TGFB2: variants seen among roughly 807,000 people sequenced by gnomAD.
TGFB2 encodes the protein transforming growth factor beta 2.
TGFB2 carries 13 observed loss-of-function variants against 42.7 expected under a neutral mutation model. That is an observed-to-expected ratio of 0.30 (90% CI 0.20 to 0.48). The LOEUF (loss-of-function observed/expected upper bound fraction) is 0.48. Ranked by LOEUF, TGFB2 falls within the 20% of genes least tolerant of loss-of-function variation. The pLI is 0.99. For missense variants in TGFB2, 390 were observed against 517.5 expected (o/e 0.75, Z 2.39); for synonymous variants, 193 against 193.6 (o/e 1.00, Z 0.03).
At chr1:218,384,293 G>T (rs369228849) in intron 1 of TGFB2, among the ~76,000 whole-genome samples, 1 of 152,128 alleles carries the variant, frequency 6.6e-6, no homozygotes, top group East Asian at 1.9e-4. Context: ...GAATAATTTG[G>T]AATATCGTGG....
chr1:218,410,507 C>T (rs1247558439), intron 2 of TGFB2, among the ~76,000 whole-genome samples: 3 of 152,134 alleles, frequency 2.0e-5, no homozygotes, highest in Admixed American at 6.5e-5. Flanking sequence ...ACCTCTTTCA[C>T]GTTAACAAAC....
In TGFB2 at chr1:218,444,618, A is replaced by G. The variant is rs1281870765; in HGVS notation, c.*3256A>G. The G allele has an allele frequency of 6.6e-6, 1 of 152,210 alleles. No homozygotes were observed. The highest frequency in any genetic ancestry group is 1.5e-5 in the Non-Finnish European group (1 of 68,030). The allele number at this position is 152,210 out of a possible 1,614,324, so 9.4% of individuals were successfully genotyped here. ...TTAATAAAAAAAGTAATTGTGACTC[A>G]ATCTGGTTGTCTTGCTTTGTCTAGT... On this transcript the variant is annotated 3_prime_UTR_variant, in exon 7 of 7. Transcript: ENST00000366930.
chr1:218,437,223 T>G (rs573897701), intron 5 of TGFB2, 120 bp from the exon 6 acceptor site: 6 of 1,001,636 alleles, frequency 6.0e-6, no homozygotes, highest in East Asian at 2.4e-5. Context: ...TATTTGCTCA[T>G]TAGATGTTTG....
intron 1 of TGFB2, chr1:218,363,262 A>C: frequency 7.8e-7 from 1 of 1,289,910 alleles, no homozygotes. Context: ...TCTACTTTGA[A>C]TCTTTGTATA....
chr1:218,392,322 C>T (rs1164028779), intron 1 of TGFB2, among the ~76,000 whole-genome samples: 1 of 152,194 alleles, frequency 6.6e-6, no homozygotes, highest in Non-Finnish European at 1.5e-5. Context: ...CACTGCACTC[C>T]AGCCTGGACG....
intron 2 of TGFB2, among the ~76,000 whole-genome samples, chr1:218,412,480 G>A (rs879768399): frequency 9.2e-5 from 14 of 152,200 alleles, no homozygotes; most frequent in Admixed American, 7.2e-4. Flanking sequence ...ATAGTATTAC[G>A]TCAGAACGAC....
intron 1 of TGFB2, among the ~76,000 whole-genome samples, chr1:218,383,764 AGATT>A (rs1239199091): frequency 1.3e-5 from 2 of 152,246 alleles, no homozygotes; most frequent in Non-Finnish European, 2.9e-5. Flanking sequence ...GATGGGTTAC[AGATT>A]GCAATAAAAT....
chr1:218,368,125 A>G (rs1052789575), intron 1 of TGFB2, among the ~76,000 whole-genome samples: 12 of 145,858 alleles, frequency 8.2e-5, no homozygotes, highest in Non-Finnish European at 1.7e-4. Context: ...CTTATGATAT[A>G]TTAGTTCATT....
chr1:218,348,164 G>C (rs2102529248), intron 1 of TGFB2, among the ~76,000 whole-genome samples: 1 of 152,212 alleles, frequency 6.6e-6, no homozygotes, highest in African/African-American at 2.4e-5. Context: ...AAAGAAAAGT[G>C]GGGGCGGGGT....
chr1:218,367,969 A>AT (rs1254283185), intron 1 of TGFB2, among the ~76,000 whole-genome samples: 4 of 151,786 alleles, frequency 2.6e-5, no homozygotes, highest in Non-Finnish European at 5.9e-5. Flanking sequence ...CTCCCAGCTA[A>AT]TTTTTGTATT....
intron 1 of TGFB2, among the ~76,000 whole-genome samples, chr1:218,370,128 A>G (rs11466376): frequency 0.014 from 2,137 of 152,350 alleles, 31 homozygotes; most frequent in Non-Finnish European, 0.021. Flanking sequence ...AAACAGAAAC[A>G]AAAAGCCAAC....
chr1:218,423,772 A>G (rs1487048721), intron 2 of TGFB2, among the ~76,000 whole-genome samples: 5 of 152,210 alleles, frequency 3.3e-5, no homozygotes, highest in Admixed American at 6.5e-5. Flanking sequence ...GGTAGGGAAC[A>G]TAATCATAAC....
chr1:218,429,796 T>C (rs1361204819), intron 2 of TGFB2, among the ~76,000 whole-genome samples: 1 of 152,228 alleles, frequency 6.6e-6, no homozygotes, highest in Non-Finnish European at 1.5e-5. Flanking sequence ...CATCAGTTTC[T>C]AGACCATTTA....
At chr1:218,398,636 G>C (rs1267348823) in intron 1 of TGFB2, among the ~76,000 whole-genome samples, 1 of 151,694 alleles carries the variant, frequency 6.6e-6, no homozygotes, top group Admixed American at 6.6e-5. Flanking sequence ...TCACCAGGCT[G>C]GAGTGCAGTG....
At chr1:218,439,040 G>A (rs546783797) in intron 6 of TGFB2, among the ~76,000 whole-genome samples, 35 of 151,446 alleles carry the variant, frequency 2.3e-4, no homozygotes, top group Middle Eastern at 3.4e-3. Flanking sequence ...CCCAGGAGGC[G>A]GAGGTTGCAG....
intron 2 of TGFB2, among the ~76,000 whole-genome samples, chr1:218,427,091 A>G (rs185530241): frequency 1.5e-4 from 23 of 152,292 alleles, no homozygotes; most frequent in Admixed American, 6.5e-4. Context: ...TAAAATTAGA[A>G]AAAAAATTAT....
rs1054056878 is a variant in TGFB2, at chr1:218,399,760, C to G, written c.347-5409C>G. Among the ~76,000 whole-genome samples, 5 of 152,038 alleles carry G rather than the reference C, an allele frequency of 3.3e-5. No individual in the cohort carries two copies. The East Asian group carries it at 9.7e-4, about 29-fold the overall frequency. On this transcript the variant is annotated intron_variant, in intron 1 of 6. Transcript: ENST00000366930. ...ACACTTAGCTCCTCCTGTTCTTTCT[C>G]TCCTCTTCTAATTTGGTCTGTCAGG... is the stretch of plus-strand genomic sequence containing the variant.
intron 1 of TGFB2, among the ~76,000 whole-genome samples, chr1:218,353,395 T>G (rs1365639855): frequency 6.6e-6 from 1 of 152,206 alleles, no homozygotes; most frequent in African/African-American, 2.4e-5. Context: ...TGAGAAGGCC[T>G]GAGAGTTTAG....
chr1:218,438,239 T>C (rs1660035584), intron 6 of TGFB2, among the ~76,000 whole-genome samples: 1 of 152,026 alleles, frequency 6.6e-6, no homozygotes, highest in Non-Finnish European at 1.5e-5. Context: ...CTTTTTAGAA[T>C]CAATATGTCA....
Sources: gnomAD v4.1 joint callset for allele counts (sites outside exome capture counted in the v4.1 genomes callset) on GRCh38, gnomAD v4.1.1 for gene constraint, MANE v1.5 for transcripts, NCBI Gene and HGNC (gene_info 2026-07-23, HGNC 2026-07-21) for gene names.